Variants in GRHL1 observed in about 807,000 individuals in gnomAD.
GRHL1 encodes grainyhead like transcription factor 1.
In GRHL1, 38 loss-of-function variants were observed where a neutral mutation model predicts 75.7. The observed-to-expected ratio is 0.50, with a 90% CI of 0.39 to 0.66. The LOEUF (loss-of-function observed/expected upper bound fraction) is 0.66. Among genes scored for constraint, GRHL1 ranks in the 30% least tolerant of loss-of-function variants. The probability of loss-of-function intolerance (pLI) is 0.00; values close to 1 mark genes in which losing one functional copy is unlikely to be tolerated. For synonymous variants in GRHL1, 266 were observed against 279.4 expected (o/e 0.95, Z 0.48); for missense variants, 589 against 767.5 (o/e 0.77, Z 2.75).
intron 3 of GRHL1, chr2:9,959,979 T>G (rs1043339038): frequency 6.6e-6 from 1 of 152,218 alleles, no homozygotes; most frequent in Non-Finnish European, 1.5e-5. Flanking sequence ...TTTGCCTGTT[T>G]CTTGAAGCTT....
At chr2:9,993,412 C>G (rs964187781) in intron 12 of GRHL1, among the ~76,000 whole-genome samples, 168 bp downstream of exon 12, 1 of 152,184 alleles carries the variant, frequency 6.6e-6, no homozygotes, top group African/African-American at 2.4e-5. Context: ...TATTTCCTAC[C>G]AACAAGGACA....
intron 8 of GRHL1, among the ~76,000 whole-genome samples, chr2:9,977,979 G>A (rs1003313771): frequency 5.9e-5 from 9 of 152,222 alleles, no homozygotes; most frequent in East Asian, 3.8e-4. Flanking sequence ...CCTCCATGGC[G>A]GCCGGCGAGA....
chr2:9,957,193 G>A (rs545831391), intron 2 of GRHL1, among the ~76,000 whole-genome samples: 1 of 152,014 alleles, frequency 6.6e-6, no homozygotes, highest in South Asian at 2.1e-4. Flanking sequence ...GTCTCACTAT[G>A]TTGCCCAGGC....
intron 3 of GRHL1, chr2:9,960,359 A>ATTC (rs1337807574): frequency 3.3e-5 from 5 of 152,342 alleles, no homozygotes; most frequent in Non-Finnish European, 7.3e-5. Context: ...GAATCGCTTG[A>ATTC]ACCCGGGAGG....
intron 3 of GRHL1, chr2:9,960,083 T>G (rs1329278400): frequency 6.6e-6 from 1 of 152,214 alleles, no homozygotes; most frequent in African/African-American, 2.4e-5. Context: ...AAACCAAAAT[T>G]TAATTTTATA....
At chr2:9,957,726 A>C (rs62127497) in intron 2 of GRHL1, among the ~76,000 whole-genome samples, 17,430 of 152,178 alleles carry the variant, frequency 0.11, 997 homozygotes, top group Non-Finnish European at 0.13. Flanking sequence ...TTTTGTCTTT[A>C]ATGGTGAAAA....
Position 9,994,959 on chromosome 2 carries a change from C to T in GRHL1, c.1500-920C>T, listed in dbSNP as rs540951099. Among the ~76,000 whole-genome samples the T allele has an allele frequency of 9.8e-4, 149 of 152,266 alleles. 1 individual carries two copies. The highest frequency in any genetic ancestry group is 1.4e-3 in the East Asian group (7 of 5,172). ...TACCAGCCTCCTTCCCCTGGTTTTT[C>T]TGCTTGAAGGTCCTGGGGTCCCCTC... On this transcript the variant is annotated intron_variant, in intron 12 of 15. Coordinates refer to ENST00000324907, the MANE Select transcript of GRHL1 (RefSeq NM_198182.3).
Position 9,954,845 on chromosome 2 carries a change from G to T in GRHL1, c.21-70G>T, listed in dbSNP as rs753071627. The T allele has an allele frequency of 5.4e-5, 67 of 1,234,520 alleles. 1 individual carries two copies. The highest frequency in any genetic ancestry group is 7.8e-5 in the Non-Finnish European group (66 of 842,450). The allele number at this position is 1,234,520 out of a possible 1,614,324, so 76.5% of individuals were successfully genotyped here. ...TAGGCTATTTTATAGGAATGTCAAG[G>T]AATTGGTAGCTTATGATACCTTGCA... On this transcript the variant is annotated intron_variant, in intron 1 of 15. Coordinates refer to ENST00000324907, the MANE Select transcript of GRHL1 (RefSeq NM_198182.3).
chr2:9,985,090 T>C (rs1299897448), intron 8 of GRHL1, among the ~76,000 whole-genome samples: 1 of 151,482 alleles, frequency 6.6e-6, no homozygotes, highest in Non-Finnish European at 1.5e-5. Context: ...AAATTGCTCC[T>C]GTGGGAAGTG....
At position 9,994,640 on chromosome 2, in the gene GRHL1, C is replaced by T. The variant is rs78163584; in HGVS notation, c.1500-1239C>T. Among the ~76,000 whole-genome samples the T allele has an allele frequency of 9.5e-4, 144 of 152,218 alleles. 2 individuals carry two copies. The East Asian group carries it at 0.022, about 23-fold the overall frequency. ...GAGTCCTGCCGGCACTTTCACTAGA[C>T]GGCTGCTGTGTGTTAGGAACTGAGG... On this transcript the variant is annotated intron_variant, in intron 12 of 15. Transcript: ENST00000324907.
chr2:10,000,034 A>T (rs1313810930), intron 15 of GRHL1, among the ~76,000 whole-genome samples: 1 of 152,194 alleles, frequency 6.6e-6, no homozygotes, highest in Non-Finnish European at 1.5e-5. Flanking sequence ...CCCAGGCTGG[A>T]GTACAGTGGT....
chr2:9,996,576 TCA>T (rs774300962), intron 14 of GRHL1, among the ~76,000 whole-genome samples, 175 bp downstream of exon 14: 115 of 152,176 alleles, frequency 7.6e-4, no homozygotes, highest in Admixed American at 3.1e-3. Flanking sequence ...GGGTCTTAAC[TCA>T]CACAGTCACT....
At chr2:9,962,001 C>A (rs1010071572) in intron 4 of GRHL1, among the ~76,000 whole-genome samples, 1 of 152,108 alleles carries the variant, frequency 6.6e-6, no homozygotes, top group Admixed American at 6.5e-5. Flanking sequence ...TAAAGAGCAT[C>A]CATCTCTGCG....
At chr2:9,986,984 T>TC (rs1668449034) in intron 9 of GRHL1, among the ~76,000 whole-genome samples, 1 of 129,176 alleles carries the variant, frequency 7.7e-6, no homozygotes, top group Non-Finnish European at 1.6e-5. Flanking sequence ...TAAAACAGCT[T>TC]TTTTTTTTTT....
Position 9,961,145 on chromosome 2 carries a change from T to C in GRHL1, c.378T>C (p.His126=). 3 of 1,612,728 alleles carry C rather than the reference T, an allele frequency of 1.9e-6. No individual in the cohort carries two copies. Among genetic ancestry groups the C allele is most frequent in the Admixed American group, 1.7e-5 (1 of 59,712 alleles). The stretch of plus-strand genomic sequence containing the variant: ...TGCCATTTAACATTGTCCTTCCCCA[T>C]GGCAACCAGCTGGGCATTGATAAGA... ...KNVPFNIVLP[H]GNQLGIDKRG... The change falls in exon 4 of 16, where the codon CAT becomes CAC. Residue 126 remains histidine (H), a synonymous_variant. Transcript: ENST00000324907.
rs777578383 is a variant in GRHL1 at position 9,955,069 on chromosome 2, G to A, written c.175G>A (p.Ala59Thr). The A allele has an allele frequency of 3.7e-6, 6 of 1,613,232 alleles. No homozygotes were observed. Among genetic ancestry groups the A allele is most frequent in the East Asian group, 2.2e-5 (1 of 44,896 alleles). Residue 59 changes from alanine (A) to threonine (T), a missense_variant, in exon 2 of 16, where the codon GCT (alanine) becomes ACT (threonine). Physicochemically the swap from Ala to Thr is moderately conservative, Grantham distance 58. This residue lies in a region of GRHL1 where 362 missense variants were observed against 461.8 expected (regional missense o/e 0.78). Transcript: ENST00000324907. ...CATCAATGGAGATGAAGACAGCGCC[G>A]CTGCGCTGGGCCTGCTCTATGACTA... ...MSINGDEDSA[A>T]ALGLLYDYYK...
Position 9,958,846 on chromosome 2 carries a change from C to T in GRHL1, c.268C>T (p.His90Tyr), listed in dbSNP as rs766540105. 4.3e-6 allele frequency: 7 copies of T among 1,613,520 alleles called. No homozygotes were observed. In the South Asian group the frequency reaches 6.6e-5, roughly 15 times the overall value. The change falls in exon 3 of 16, where the codon CAC becomes TAC. Residue 90 changes from histidine to tyrosine, a missense_variant. By Grantham distance (83) the His-to-Tyr change is moderately conservative (BLOSUM62 2). Coordinates refer to ENST00000324907, the MANE Select transcript of GRHL1 (RefSeq NM_198182.3). ...AGAGGTGGAGCACCCTGAGCCAGAT[C>T]ACAGCAAAAGGTAACATTCAGTGCC... ...KPEVEHPEPD[H>Y]SKRNSIPIVT...
intron 5 of GRHL1, among the ~76,000 whole-genome samples, chr2:9,963,029 A>C (rs1413672853): frequency 2.6e-5 from 4 of 152,142 alleles, no homozygotes. Flanking sequence ...TTCCAAGTTA[A>C]TTAGGAACTC....
At chr2:9,997,285 G>C (rs1668907019) in intron 14 of GRHL1, among the ~76,000 whole-genome samples, 1 of 152,144 alleles carries the variant, frequency 6.6e-6, no homozygotes, top group Non-Finnish European at 1.5e-5. Context: ...AAGAAGTTGA[G>C]GTCATTTTTC....
Sources: gnomAD v4.1 joint callset for allele counts (sites outside exome capture counted in the v4.1 genomes callset) on GRCh38, gnomAD v4.1.1 for gene constraint, gnomAD v4.1.1 regional missense constraint, MANE v1.5 for transcripts, NCBI Gene and HGNC (gene_info 2026-07-23, HGNC 2026-07-21) for gene names.